The following DNAH7 variants were observed in gnomAD, a reference collection of about 807,000 sequenced individuals.
The protein encoded by DNAH7 is dynein axonemal heavy chain 7, also known as axonemal beta dynein heavy chain 7.
In DNAH7, 397 loss-of-function variants were observed where a neutral mutation model predicts 444.6. That is an observed-to-expected ratio of 0.89 (90% CI 0.82 to 0.97). The LOEUF is 0.97. Ranked by LOEUF, DNAH7 falls within the 50% of genes least tolerant of loss-of-function variation. The pLI is 0.00. For missense variants in DNAH7, 4,902 were observed against 4,800.8 expected (o/e 1.02, Z -0.62); for synonymous variants, 1,636 against 1,624.4 (o/e 1.01, Z -0.17).
chr2:195,857,366 T>G lies in DNAH7; in HGVS notation c.8414+11A>C. On this transcript the variant is annotated intron_variant, in intron 44 of 64. Coordinates refer to ENST00000312428, the MANE Select transcript of DNAH7 (RefSeq NM_018897.3). ...ACCATACCAGCTGGATTTCTTTTTA[T>G]CAGCACTTACTTATCATATGAATCC... The G allele has an allele frequency of 6.5e-7, 1 of 1,537,922 alleles. No homozygotes were observed. The highest frequency in any genetic ancestry group is 8.7e-7 in the Non-Finnish European group (1 of 1,148,670).
intron 9 of DNAH7, 148 bp downstream of exon 9, chr2:196,019,022 T>A (rs1335719164): frequency 1.0e-6 from 1 of 988,688 alleles, no homozygotes. Context: ...TATACTTCTT[T>A]GTTGTTTATT....
chr2:195,783,985 G>C (rs1695502380), intron 58 of DNAH7, among the ~76,000 whole-genome samples: 1 of 151,894 alleles, frequency 6.6e-6, no homozygotes, highest in Admixed American at 6.6e-5. Context: ...AAGGTATGGG[G>C]ATTTCCCACA....
intron 15 of DNAH7, among the ~76,000 whole-genome samples, chr2:195,976,743 C>CAG (rs1692212889): frequency 2.2e-4 from 4 of 18,350 alleles, no homozygotes; most frequent in Non-Finnish European, 7.1e-4. Flanking sequence ...GACAGAGAGG[C>CAG]AGACAGAGAG....
At chr2:195,813,145 T>G (rs1279499616) in intron 51 of DNAH7, among the ~76,000 whole-genome samples, 1 of 152,162 alleles carries the variant, frequency 6.6e-6, no homozygotes, top group Admixed American at 6.5e-5. Context: ...AAGCAAAATT[T>G]CATAATAACC....
At chr2:196,037,163 TACGAACATTACACTA>T (rs1257708649) in intron 5 of DNAH7, among the ~76,000 whole-genome samples, 13 of 152,044 alleles carry the variant, frequency 8.6e-5, no homozygotes, top group African/African-American at 3.1e-4. Context: ...AAAGTAATCA[TACGAACATTACACTA>T]TGGTGTCCAC....
chr2:196,002,346 G>A (rs921402327), intron 10 of DNAH7, among the ~76,000 whole-genome samples: 2 of 152,080 alleles, frequency 1.3e-5, no homozygotes, highest in African/African-American at 2.4e-5. Context: ...ACAAAATCAG[G>A]TATTTATTTT....
chr2:195,776,057 C>G (rs954496141), intron 59 of DNAH7, 74 bp from the exon 60 acceptor site: 1 of 1,560,678 alleles, frequency 6.4e-7, no homozygotes, highest in Non-Finnish European at 8.7e-7. Flanking sequence ...AGAAAAGAGG[C>G]AGTTTTCAAT....
At chr2:195,967,429 ATGTG>A (rs1691556943) in intron 17 of DNAH7, among the ~76,000 whole-genome samples, 1 of 152,050 alleles carries the variant, frequency 6.6e-6, no homozygotes, top group Admixed American at 6.5e-5. Flanking sequence ...GTCTATTTTT[ATGTG>A]TGCTTATTAT....
chr2:195,799,899 G>A (rs955273868), intron 54 of DNAH7, among the ~76,000 whole-genome samples: 12 of 152,176 alleles, frequency 7.9e-5, no homozygotes, highest in Non-Finnish European at 1.2e-4. Context: ...AGAAGGAAAG[G>A]AAGAGCTCTA....
intron 21 of DNAH7, among the ~76,000 whole-genome samples, chr2:195,930,433 C>T (rs905393512): frequency 6.6e-5 from 10 of 152,126 alleles, no homozygotes; most frequent in African/African-American, 2.2e-4. Context: ...AAATGCTCCA[C>T]ATCACTAACC....
chr2:196,068,621 A>C, intron 1 of DNAH7, 76 bp downstream of exon 1: 1 of 1,540,902 alleles, frequency 6.5e-7, no homozygotes, highest in Admixed American at 2.0e-5. Flanking sequence ...GCTAGGCAGG[A>C]GGGGCTTCCA....
intron 15 of DNAH7, among the ~76,000 whole-genome samples, chr2:195,979,189 A>C (rs1372987800): frequency 6.6e-6 from 1 of 152,184 alleles, no homozygotes; most frequent in Non-Finnish European, 1.5e-5. Context: ...TCTGCAGCAC[A>C]TGGATCATTC....
intron 61 of DNAH7, among the ~76,000 whole-genome samples, chr2:195,765,287 T>C (rs115296120): frequency 0.018 from 2,770 of 152,248 alleles, 79 homozygotes; most frequent in African/African-American, 0.063. Context: ...TGAGGAAACA[T>C]TGAAGAAGCT....
intron 27 of DNAH7, chr2:195,902,334 C>G (rs1438533339): frequency 6.6e-6 from 1 of 151,816 alleles, no homozygotes; most frequent in Non-Finnish European, 1.5e-5. Flanking sequence ...ATAATTTGAG[C>G]AAATAACTTG....
chr2:195,882,118 T>A, intron 35 of DNAH7, 126 bp from the exon 36 acceptor site: 2 of 710,710 alleles, frequency 2.8e-6, no homozygotes, highest in Non-Finnish European at 4.6e-6. Context: ...TTTTATCCTT[T>A]AAGACACTTT....
intron 58 of DNAH7, 45 bp from the exon 59 acceptor site, chr2:195,778,030 TACAGAA>T (rs774692457): frequency 8.9e-5 from 131 of 1,469,370 alleles, no homozygotes; most frequent in Non-Finnish European, 1.2e-4. Flanking sequence ...TAGCATGTTA[TACAGAA>T]TCGTGTTTCT....
rs150581730 is a variant in DNAH7 at position 195,847,646 on chromosome 2, TA to T, written c.8782-2482del. 9.5e-4 allele frequency among the ~76,000 whole-genome samples: 138 copies of T among 144,512 alleles called. 2 individuals are homozygous for T. The highest frequency in any genetic ancestry group is 9.0e-4 in the Admixed American group (13 of 14,416). The allele number at this position is 144,512 out of a possible 152,430, so 94.8% of individuals were successfully genotyped here. On this transcript the variant is annotated intron_variant, in intron 46 of 64. Coordinates refer to ENST00000312428, the MANE Select transcript of DNAH7 (RefSeq NM_018897.3). ...CACATGTACCCCTGAACCTAAAAGT[TA>T]AAAAAAAAACAAAAAAAACAAAGAT...
At chr2:195,882,052 T>C in intron 35 of DNAH7, 60 bp from the exon 36 acceptor site, 1 of 1,397,178 alleles carries the variant, frequency 7.2e-7, no homozygotes, top group Non-Finnish European at 9.9e-7. Context: ...AGCTCTATAC[T>C]CCTGTGCCAT....
At chr2:195,993,669 C>T (rs989748745) in intron 12 of DNAH7, among the ~76,000 whole-genome samples, 9 of 152,078 alleles carry the variant, frequency 5.9e-5, no homozygotes, top group Non-Finnish European at 1.3e-4. Flanking sequence ...GTTTTGTGTC[C>T]CCTCCTTCTG....
Sources: gnomAD v4.1 joint callset for allele counts (sites outside exome capture counted in the v4.1 genomes callset) on GRCh38, gnomAD v4.1.1 for gene constraint, MANE v1.5 for transcripts, NCBI Gene and HGNC (gene_info 2026-07-23, HGNC 2026-07-21) for gene names.